The following RTN4 variants were observed in gnomAD, a reference collection of about 807,000 sequenced individuals.
The protein encoded by RTN4 is reticulon-4.
A neutral mutation model predicts 90.4 loss-of-function variants in RTN4; 32 were observed. The ratio of observed to expected loss-of-function variants is 0.35; its 90% CI spans 0.27 to 0.48. The LOEUF (loss-of-function observed/expected upper bound fraction) is 0.48, where lower values mean the gene tolerates loss of function less well. RTN4 is among the 20% of genes least tolerant of loss of function. The probability of loss-of-function intolerance (pLI) is 0.99; values close to 1 mark genes in which losing one functional copy is unlikely to be tolerated. For synonymous variants in RTN4, 629 were observed against 552.5 expected, an observed-to-expected ratio of 1.14 and a Z score of -1.94; for missense variants, 1,706 against 1,430.2, an observed-to-expected ratio of 1.19 and a Z score of -3.11.
At chr2:55,020,085 C>A (rs1374937550) in intron 3 of RTN4, among the ~76,000 whole-genome samples, 1 of 152,036 alleles carries the variant, frequency 6.6e-6, no homozygotes, top group Non-Finnish European at 1.5e-5. Flanking sequence ...ATTCCATGTT[C>A]ATGAATCATA....
At chr2:55,047,557 T>A (rs1182038240) in intron 1 of RTN4, among the ~76,000 whole-genome samples, 1 of 116,290 alleles carries the variant, frequency 8.6e-6, no homozygotes, top group African/African-American at 3.5e-5. Context: ...TTTCCCCCAT[T>A]ATGGAGAAGT....
At chr2:55,102,133 C>T (rs1175036296) in intron 1 of RTN4, among the ~76,000 whole-genome samples, 2 of 152,106 alleles carry the variant, frequency 1.3e-5, no homozygotes, top group African/African-American at 2.4e-5. Flanking sequence ...ATTGTTATTT[C>T]ATAACTTTCC....
chr2:55,040,877 G>C (rs1190425566), intron 1 of RTN4, among the ~76,000 whole-genome samples: 2 of 150,818 alleles, frequency 1.3e-5, no homozygotes, highest in Non-Finnish European at 3.0e-5. Flanking sequence ...CCAAACTCTT[G>C]AACAACAAAA....
chr2:54,974,177 T>C (rs1677403374), intron 6 of RTN4: 5 of 296,456 alleles, frequency 1.7e-5, no homozygotes, highest in African/African-American at 4.4e-5. Context: ...AGCCACCCTT[T>C]ATCTGGTTTA....
intron 1 of RTN4, among the ~76,000 whole-genome samples, chr2:55,099,374 T>C (rs1029833377): frequency 6.6e-6 from 1 of 152,100 alleles, no homozygotes; most frequent in Non-Finnish European, 1.5e-5. Flanking sequence ...TGTGACACCT[T>C]TGGCCATTGG....
chr2:55,049,235 CAGG>C (rs1224610610), intron 1 of RTN4: 1 of 945,876 alleles, frequency 1.1e-6, no homozygotes, highest in Admixed American at 6.2e-5. Context: ...CCACGCCAGC[CAGG>C]AGGTGAGGAG....
At chr2:55,035,656 C>A (rs185699958) in intron 1 of RTN4, among the ~76,000 whole-genome samples, 3 of 151,696 alleles carry the variant, frequency 2.0e-5, no homozygotes, top group Non-Finnish European at 4.4e-5. Flanking sequence ...CAAAAAGTTG[C>A]TTCCCTGAAA....
intron 1 of RTN4, among the ~76,000 whole-genome samples, chr2:55,042,137 T>C (rs770451459): frequency 1.8e-4 from 27 of 152,128 alleles, no homozygotes; most frequent in Admixed American, 1.2e-3. Flanking sequence ...TTCACTAATA[T>C]ACTGTGTTGG....
chr2:55,086,992 G>A (rs1668853863), intron 1 of RTN4, among the ~76,000 whole-genome samples: 1 of 152,010 alleles, frequency 6.6e-6, no homozygotes, highest in Admixed American at 6.6e-5. Context: ...GAATCCTACT[G>A]TATGTGCTTT....
chr2:55,025,414 G>T lies in RTN4; in HGVS notation c.2685C>A (p.Ser895=). Residue 895 remains serine (S), a synonymous_variant, in exon 3 of 9, where the codon TCC becomes TCA. Transcript: ENST00000337526. ...GGGCATTAGCAATTTCACTTTTGTG[G>T]GATACTTCTAGGTCAGTATATTCCC... The part of the protein sequence containing the change: ...LAREYTDLEV[S]HKSEIANAPD... The T allele has an allele frequency of 6.2e-7, 1 of 1,613,776 alleles. No homozygotes were observed.
chr2:55,104,725 G>A (rs959549673), intron 1 of RTN4, among the ~76,000 whole-genome samples: 1 of 151,966 alleles, frequency 6.6e-6, no homozygotes, highest in Non-Finnish European at 1.5e-5. Context: ...TGAGCATTGG[G>A]AAATAATAAT....
Position 55,025,446 on chromosome 2 carries a change from A to C in RTN4, c.2653T>G (p.Leu885Val), listed in dbSNP as rs1388779293. The change falls in exon 3 of 9, where the codon TTA becomes GTA. Residue 885 changes from leucine (L) to valine (V), a missense_variant. Transcript: ENST00000337526. ...TCTAGGTCAGTATATTCCCTGGCTA[A>C]TTTAGAAAATGAATCAGTTTTAGAA... ...ISSKTDSFSK[L>V]AREYTDLEVS... The C allele has an allele frequency of 6.2e-7, 1 of 1,613,728 alleles. No individual in the cohort carries two copies. Among genetic ancestry groups the C allele is most frequent in the Admixed American group, 1.7e-5 (1 of 59,924 alleles).
At chr2:54,994,580 A>G (rs1399621771) in intron 3 of RTN4, among the ~76,000 whole-genome samples, 1 of 152,232 alleles carries the variant, frequency 6.6e-6, no homozygotes, top group Non-Finnish European at 1.5e-5. Context: ...AACATTATCA[A>G]CCTGATAAAG....
At chr2:55,049,318 G>C in intron 1 of RTN4, 1 of 268,558 alleles carries the variant, frequency 3.7e-6, no homozygotes, top group Non-Finnish European at 6.0e-6. Context: ...GAGCAACCCA[G>C]ACGGGTAGAC....
At chr2:55,135,600 T>C in the RTN4 span, among the ~76,000 whole-genome samples, 26 of 152,352 alleles carry the variant, frequency 1.7e-4, no homozygotes, top group East Asian at 3.5e-3. Flanking sequence ...TGAAGTATAA[T>C]TGGCACACAA....
At chr2:55,110,310 CA>C (rs11289091) in intron 1 of RTN4, among the ~76,000 whole-genome samples, 49,834 of 96,484 alleles carry the variant, frequency 0.52, 9,027 homozygotes, top group African/African-American at 0.58. Flanking sequence ...GACCCTGTCT[CA>C]AAAAAAAAAA....
At chr2:55,075,945 A>G (rs923881548) in intron 2 of RTN4, among the ~76,000 whole-genome samples, 17 of 152,254 alleles carry the variant, frequency 1.1e-4, no homozygotes, top group African/African-American at 4.1e-4. Context: ...AAGATGGATT[A>G]CAGACTTAAA....
chr2:55,042,702 A>G lies in RTN4; in HGVS notation c.556+7043T>C, dbSNP rs1214840610. ...GATTTGGGATTTTTATTGAGAGAAG[A>G]TATTATAGTAATTCTAGAACTATAC... On this transcript the variant is annotated intron_variant, in intron 1 of 8. Transcript: ENST00000337526. Among the ~76,000 whole-genome samples, 5 of 152,340 alleles carry G rather than the reference A, an allele frequency of 3.3e-5. No individual in the cohort carries two copies. In the South Asian group the frequency reaches 8.3e-4, roughly 25 times the overall value.
At chr2:55,034,298 C>T (rs1033250672) in intron 1 of RTN4, among the ~76,000 whole-genome samples, 6 of 152,058 alleles carry the variant, frequency 3.9e-5, no homozygotes, top group East Asian at 1.9e-4. Flanking sequence ...CCCTGGGGTA[C>T]GAGACCAGCC....
Sources: gnomAD v4.1 joint callset for allele counts (sites outside exome capture counted in the v4.1 genomes callset) on GRCh38, gnomAD v4.1.1 for gene constraint, MANE v1.5 for transcripts, NCBI Gene and HGNC (gene_info 2026-07-23, HGNC 2026-07-21) for gene names.